The following ARHGEF28 variants were observed in gnomAD, a reference collection of about 807,000 sequenced individuals.
ARHGEF28 encodes the protein 190 kDa guanine nucleotide exchange factor.
In ARHGEF28, 152 loss-of-function variants were observed where a neutral mutation model predicts 206.6. The observed-to-expected ratio is 0.74, with a 90% CI of 0.64 to 0.84. The LOEUF (loss-of-function observed/expected upper bound fraction) is 0.84. Ranked by LOEUF, ARHGEF28 falls within the 40% of genes least tolerant of loss-of-function variation. ARHGEF28 has a pLI of 0.00. For missense variants in ARHGEF28, 2,028 were observed against 2,073.2 expected (o/e 0.98, Z 0.42); for synonymous variants, 763 against 776.4 (o/e 0.98, Z 0.29).
chr5:73,886,003 A>G lies in ARHGEF28; in HGVS notation c.3209A>G (p.Lys1070Arg), dbSNP rs761813773. ...KIENKTYTKLKNGHVFRKQAL... is the reference protein window; with the variant it reads ...KIENKTYTKLRNGHVFRKQAL... ...GAAAACAAAACATACACGAAGCTCA[A>G]AAATGGACATGTGTTTAGGAAGCAG... The change falls in exon 25 of 36, where the codon AAA becomes AGA. Residue 1070 changes from lysine to arginine, a missense_variant. Physicochemically the swap from Lys to Arg is conservative, Grantham distance 26 (BLOSUM62 2). This residue lies in a region of ARHGEF28 where 223 missense variants were observed against 289.9 expected (regional missense o/e 0.77). Transcript: ENST00000513042. The G allele has an allele frequency of 1.2e-6, 2 of 1,613,966 alleles. No homozygotes were observed. The highest frequency in any genetic ancestry group is 1.7e-6 in the Non-Finnish European group (2 of 1,179,882).
intron 16 of ARHGEF28, among the ~76,000 whole-genome samples, chr5:73,860,951 A>T (rs975318140): frequency 6.6e-6 from 1 of 151,936 alleles, no homozygotes; most frequent in African/African-American, 2.4e-5. Context: ...GCCTGTGATC[A>T]TCTCCTTCCT....
intron 2 of ARHGEF28, among the ~76,000 whole-genome samples, chr5:73,694,020 A>C (rs1748020158): frequency 6.6e-6 from 1 of 152,248 alleles, no homozygotes; most frequent in Non-Finnish European, 1.5e-5. Flanking sequence ...TAGCTGCTGC[A>C]GGAGATTGCT....
chr5:73,730,083 C>G (rs1054488433), intron 2 of ARHGEF28, among the ~76,000 whole-genome samples: 6 of 152,116 alleles, frequency 3.9e-5, no homozygotes, highest in Non-Finnish European at 8.8e-5. Flanking sequence ...AACAGTTTTT[C>G]TAAGGTTCAA....
At chr5:73,824,930 CACA>C (rs1756817415) in intron 9 of ARHGEF28, among the ~76,000 whole-genome samples, 1 of 152,128 alleles carries the variant, frequency 6.6e-6, no homozygotes, top group South Asian at 2.1e-4. Context: ...ACACTCCCAT[CACA>C]ACGTGTAGCA....
intron 2 of ARHGEF28, among the ~76,000 whole-genome samples, chr5:73,748,359 C>T (rs920743843): frequency 2.0e-5 from 3 of 151,964 alleles, no homozygotes; most frequent in Non-Finnish European, 1.5e-5. Context: ...TTTTTCAGAA[C>T]TCTATACTTT....
intron 8 of ARHGEF28, 121 bp from the exon 9 acceptor site, chr5:73,795,209 AT>A: frequency 1.2e-6 from 1 of 827,592 alleles, no homozygotes; most frequent in South Asian, 1.6e-5. Flanking sequence ...TTTACATGTG[AT>A]GATACTTGTA....
In ARHGEF28 at chr5:73,753,178, G is replaced by C. The variant is rs1193876202; in HGVS notation, c.451G>C (p.Val151Leu). ...THLELPLEWT[V>L]LGSSSLEVSS... is the part of the protein sequence containing the mutation. Reference sequence around the variant, plus strand: ...TCTGGAATTGCCTCTAGAGTGGACTGTGTTGGGAAGTTCTTCACTTGAAGG... The same window carrying C: ...TCTGGAATTGCCTCTAGAGTGGACTCTGTTGGGAAGTTCTTCACTTGAAGG... The change falls in exon 4 of 36, where the codon GTG becomes CTG. Residue 151 changes from valine (V) to leucine (L), a missense_variant. By Grantham distance (32) the Val-to-Leu change is conservative (BLOSUM62 1). Around this residue, in one of 3 missense-constraint regions of ARHGEF28, gnomAD observed 1,002 missense variants for 1,015.3 expected, o/e 0.99. Coordinates refer to ENST00000513042, the MANE Select transcript of ARHGEF28 (RefSeq NM_001177693.2). The C allele has an allele frequency of 1.3e-6, 2 of 1,523,328 alleles. No individual in the cohort carries two copies. The highest frequency in any genetic ancestry group is 2.8e-5 in the African/African-American group (2 of 71,808). The allele number at this position is 1,523,328 out of a possible 1,614,324, so 94.4% of individuals were successfully genotyped here.
intron 22 of ARHGEF28, among the ~76,000 whole-genome samples, chr5:73,876,838 G>A (rs1760529058): frequency 6.7e-6 from 1 of 149,000 alleles, no homozygotes; most frequent in Non-Finnish European, 1.5e-5. Flanking sequence ...TTTTATTGAG[G>A]ATTTTTGCAT....
rs558131324 is a variant in ARHGEF28, at chr5:73,690,082, C to T, written c.33+5198C>T. Among the ~76,000 whole-genome samples the T allele has an allele frequency of 3.0e-4, 35 of 116,604 alleles. No individual in the cohort carries two copies. The South Asian group carries it at 8.3e-3, about 28-fold the overall frequency. The allele number at this position is 116,604 out of a possible 152,430, so 76.5% of individuals were successfully genotyped here. A position where few individuals can be genotyped will look rare whatever the true frequency, so the allele number is the denominator to read the frequency against. On this transcript the variant is annotated intron_variant, in intron 2 of 35. Transcript: ENST00000513042. ...TTAAATTAATTATTTTAAGATTTCA[C>T]GTTGCCGTGAGAAAGTAGATAATTT...
intron 4 of ARHGEF28, among the ~76,000 whole-genome samples, chr5:73,762,494 A>G (rs1340294803): frequency 6.6e-6 from 1 of 151,464 alleles, no homozygotes. Flanking sequence ...CAACAACAAA[A>G]TCTATTTTGA....
intron 26 of ARHGEF28, among the ~76,000 whole-genome samples, chr5:73,889,629 C>G (rs1321223401): frequency 6.6e-6 from 1 of 152,210 alleles, no homozygotes; most frequent in African/African-American, 2.4e-5. Context: ...ATAGAATCAG[C>G]ACAAAATGGA....
At chr5:73,743,459 C>CA (rs1751550508) in intron 2 of ARHGEF28, among the ~76,000 whole-genome samples, 3 of 152,168 alleles carry the variant, frequency 2.0e-5, no homozygotes, top group Admixed American at 6.5e-5. Flanking sequence ...TGGAGATGGA[C>CA]ACCTACTATA....
At chr5:73,655,684 G>A (rs1745148503) in intron 1 of ARHGEF28, among the ~76,000 whole-genome samples, 1 of 152,204 alleles carries the variant, frequency 6.6e-6, no homozygotes, top group Non-Finnish European at 1.5e-5. Flanking sequence ...GAGAAACCAA[G>A]TCACGAGGCA....
intron 1 of ARHGEF28, among the ~76,000 whole-genome samples, chr5:73,652,219 G>C (rs1188208173): frequency 6.6e-6 from 1 of 152,194 alleles, no homozygotes; most frequent in Non-Finnish European, 1.5e-5. Context: ...GGTCACACTA[G>C]TGGAAAGTAA....
intron 9 of ARHGEF28, among the ~76,000 whole-genome samples, chr5:73,816,652 A>G (rs1281858802): frequency 2.0e-5 from 3 of 152,236 alleles, no homozygotes; most frequent in African/African-American, 7.2e-5. Context: ...CGCTAATACC[A>G]TATTTCAATT....
Position 73,898,079 on chromosome 5 carries a change from G to T in ARHGEF28, c.3959G>T (p.Gly1320Val). 2 of 1,612,040 alleles carry T rather than the reference G, an allele frequency of 1.2e-6. No homozygotes were observed. The highest frequency in any genetic ancestry group is 1.7e-6 in the Non-Finnish European group (2 of 1,179,134). ...ADTLSSHDVP[G>V]SPTASLVTGG... Reference sequence around the variant, plus strand: ...ACACTCAGTTCTCATGATGTACCAGGATCACCGACTGCCTGTAAGTGAAAA... The same window carrying T: ...ACACTCAGTTCTCATGATGTACCAGTATCACCGACTGCCTGTAAGTGAAAA... Residue 1320 changes from glycine to valine, a missense_variant, in exon 30 of 36, where the codon GGA (glycine) becomes GTA (valine). Around this residue, in one of 3 missense-constraint regions of ARHGEF28, gnomAD observed 803 missense variants for 768.0 expected, o/e 1.05. Transcript: ENST00000513042.
chr5:73,836,181 G>A (rs2112567348), intron 10 of ARHGEF28, among the ~76,000 whole-genome samples: 1 of 152,074 alleles, frequency 6.6e-6, no homozygotes, highest in South Asian at 2.1e-4. Context: ...GGGATTGCTG[G>A]ATCATATGGT....
chr5:73,921,313 A>T (rs1763509980), intron 35 of ARHGEF28, among the ~76,000 whole-genome samples: 1 of 152,220 alleles, frequency 6.6e-6, no homozygotes. Context: ...GTCACTTTTC[A>T]GACACAGCTA....
At chr5:73,631,770 TTG>T (rs759529210) in intron 1 of ARHGEF28, among the ~76,000 whole-genome samples, 63 of 152,254 alleles carry the variant, frequency 4.1e-4, no homozygotes, top group Admixed American at 9.2e-4. Context: ...ATGGAACATG[TTG>T]TGTGTTTCTG....
Sources: allele counts gnomAD v4.1 joint callset (sites outside exome capture counted in the v4.1 genomes callset), GRCh38; gene constraint gnomAD v4.1.1; regional missense constraint gnomAD v4.1.1; transcripts MANE v1.5; gene names NCBI Gene and HGNC (gene_info 2026-07-23, HGNC 2026-07-21).